The following LMLN variants were observed in gnomAD, a reference collection of about 807,000 sequenced individuals.
LMLN encodes the protein leishmanolysin like peptidase.
Under a neutral mutation model 92.3 loss-of-function variants are expected in LMLN, and 70 were observed. The observed-to-expected ratio is 0.76, with a 90% confidence interval of 0.63 to 0.92. The LOEUF (loss-of-function observed/expected upper bound fraction) is 0.92, where lower values mean the gene tolerates loss of function less well. Ranked by LOEUF, LMLN falls within the 40% of genes least tolerant of loss-of-function variation. The pLI, the probability that LMLN is intolerant of heterozygous loss-of-function variation, is 0.00. For synonymous variants in LMLN, 308 were observed against 296.2 expected (o/e 1.04, Z -0.41); for missense variants, 691 against 814.6 (o/e 0.85, Z 1.85).
chr3:197,975,142 A>G (rs1581134248), intron 3 of LMLN, 70 bp downstream of exon 3: 1 of 847,018 alleles, frequency 1.2e-6, no homozygotes, highest in East Asian at 2.5e-5. Flanking sequence ...CTACTTCAGT[A>G]AAGAAAAATA....
intron 11 of LMLN, among the ~76,000 whole-genome samples, chr3:198,013,867 T>C (rs527675320): frequency 3.5e-4 from 50 of 143,698 alleles, no homozygotes; most frequent in Non-Finnish European, 6.0e-4. Flanking sequence ...CTGACTTCTC[T>C]GTACCCTTCA....
chr3:197,977,493 T>C (rs1337107243), intron 5 of LMLN, among the ~76,000 whole-genome samples: 4 of 150,988 alleles, frequency 2.6e-5, no homozygotes, highest in African/African-American at 9.7e-5. Context: ...TGGATACATA[T>C]AAAAATGATC....
At chr3:197,976,135 A>G (rs1020861741) in intron 4 of LMLN, 24 bp downstream of exon 4, 5 of 1,466,162 alleles carry the variant, frequency 3.4e-6, no homozygotes, top group Non-Finnish European at 3.8e-6. Context: ...AACACAGATC[A>G]TTTTCTTCAG....
At chr3:197,982,593 A>G (rs761878213) in intron 6 of LMLN, among the ~76,000 whole-genome samples, 10 of 152,178 alleles carry the variant, frequency 6.6e-5, no homozygotes, top group Non-Finnish European at 8.8e-5. Context: ...AATTCATTTC[A>G]TGAATATTTG....
intron 5 of LMLN, among the ~76,000 whole-genome samples, chr3:197,976,995 T>C (rs75091983): frequency 4.3e-4 from 66 of 152,354 alleles, no homozygotes; most frequent in African/African-American, 1.6e-3. Flanking sequence ...AAAATATCTT[T>C]TAGCAAGGCA....
intron 7 of LMLN, among the ~76,000 whole-genome samples, chr3:197,984,456 T>G (rs770916289): frequency 6.6e-6 from 1 of 151,916 alleles, no homozygotes; most frequent in Non-Finnish European, 1.5e-5. Context: ...CCTTTGGAAG[T>G]ATATAGATAC....
intron 1 of LMLN, among the ~76,000 whole-genome samples, chr3:197,972,396 T>G (rs930261972): frequency 1.3e-5 from 2 of 152,204 alleles, no homozygotes; most frequent in African/African-American, 4.8e-5. Context: ...TGTTATACTT[T>G]TAAGCTCTAG....
chr3:197,980,241 T>C (rs1721517130), intron 5 of LMLN, 85 bp from the exon 6 acceptor site: 2 of 1,117,548 alleles, frequency 1.8e-6, no homozygotes, highest in African/African-American at 3.1e-5. Context: ...ACTGTGTTTA[T>C]AGTGTAGATT....
At chr3:197,981,069 C>T (rs1314074025) in intron 6 of LMLN, among the ~76,000 whole-genome samples, 1 of 151,852 alleles carries the variant, frequency 6.6e-6, no homozygotes, top group East Asian at 1.9e-4. Flanking sequence ...TGCCACTGCA[C>T]TCCAGCCTGG....
intron 1 of LMLN, among the ~76,000 whole-genome samples, chr3:197,973,408 AT>A (rs1721285082): frequency 1.3e-5 from 2 of 151,738 alleles, no homozygotes; most frequent in Non-Finnish European, 2.9e-5. Context: ...TGCCCGGCTA[AT>A]TTTTTTGTAT....
intron 11 of LMLN, among the ~76,000 whole-genome samples, chr3:198,018,466 G>A (rs1206951798): frequency 6.6e-6 from 1 of 152,190 alleles, no homozygotes; most frequent in Non-Finnish European, 1.5e-5. Flanking sequence ...CCTGTGTGAC[G>A]ACTTCAAAGC....
At chr3:198,015,253 C>T (rs1420866925) in intron 11 of LMLN, among the ~76,000 whole-genome samples, 1 of 121,474 alleles carries the variant, frequency 8.2e-6, no homozygotes, top group Non-Finnish European at 1.7e-5. Flanking sequence ...CTTCAGAGCC[C>T]CCTAACTAGT....
intron 2 of LMLN, 83 bp downstream of exon 2, chr3:197,974,557 GAATC>G: frequency 4.3e-6 from 3 of 694,460 alleles, no homozygotes; most frequent in Non-Finnish European, 6.9e-6. Context: ...GAAGTTCTAA[GAATC>G]CATAGATAAA....
At position 197,976,711 on chromosome 3, in the gene LMLN, TC is replaced by T; in HGVS notation, c.547del (p.Gln183SerfsTer63). ...CCCGTTATTGTTCCTGAGGAACATCTCCAGGTATTTCACCCTGCTCTTGGCA... is the reference window on the plus strand; with the variant it reads ...CCCGTTATTGTTCCTGAGGAACATCTCAGGTATTTCACCCTGCTCTTGGCA... On this transcript the variant is annotated frameshift_variant, in exon 5 of 16. Coordinates refer to ENST00000330198, the Ensembl canonical transcript of LMLN. LOFTEE classifies it high-confidence loss of function. 6.8e-7 allele frequency: 1 copy of T among 1,476,346 alleles called. No individual in the cohort carries two copies. The highest frequency in any genetic ancestry group is 9.3e-7 in the Non-Finnish European group (1 of 1,077,574). 91.5% of individuals were successfully genotyped at this position (1,476,346 alleles called of 1,614,324 possible).
Position 197,967,215 on chromosome 3 carries a change from C to G in LMLN, c.219+6775C>G, listed in dbSNP as rs761220218. Among the ~76,000 whole-genome samples the G allele has an allele frequency of 5.3e-5, 8 of 152,186 alleles. No homozygotes were observed. The South Asian group carries it at 1.2e-3, about 24-fold the overall frequency. On this transcript the variant is annotated intron_variant, in intron 1 of 15. Coordinates refer to ENST00000330198, the Ensembl canonical transcript of LMLN. Reference sequence around the variant, plus strand: ...CTGGTCTGTAGTTTTCTTTTCCTCTCTAATAATAACTTCAGGTTTATCGGG... The same window carrying G: ...CTGGTCTGTAGTTTTCTTTTCCTCTGTAATAATAACTTCAGGTTTATCGGG...
intron 1 of LMLN, among the ~76,000 whole-genome samples, chr3:197,963,362 A>C (rs1472104229): frequency 6.6e-6 from 1 of 151,954 alleles, no homozygotes; most frequent in Non-Finnish European, 1.5e-5. Flanking sequence ...GCGCCACTAC[A>C]CTTGGCTAAT....
chr3:198,001,074 C>T (rs1380324019), intron 11 of LMLN, among the ~76,000 whole-genome samples: 2 of 152,164 alleles, frequency 1.3e-5, no homozygotes, highest in Non-Finnish European at 2.9e-5. Flanking sequence ...CTGAGTTGAG[C>T]TAAAGTTGCT....
chr3:198,019,190 G>C lies in LMLN; in HGVS notation c.1233-63G>C. On this transcript the variant is annotated intron_variant, in intron 11 of 15. Coordinates refer to ENST00000330198, the Ensembl canonical transcript of LMLN. This position sits in a 1 kb window ranked among gnomAD's most constrained non-coding sequence, Gnocchi z 5.5. ...GGATCTGGAATTCCATTTGTTGGCT[G>C]TATAATGGACTTGCAGTATTTTCTT... 6.8e-7 allele frequency: 1 copy of C among 1,476,850 alleles called. No individual in the cohort carries two copies. The highest frequency in any genetic ancestry group is 1.3e-5 in the South Asian group (1 of 77,528). 91.5% of individuals were successfully genotyped at this position (1,476,850 alleles called of 1,614,324 possible). A position where few individuals can be genotyped will look rare whatever the true frequency, so the allele number is the denominator to read the frequency against.
intron 13 of LMLN, among the ~76,000 whole-genome samples, chr3:198,023,643 T>G (rs1722841468): frequency 1.3e-5 from 2 of 152,230 alleles, no homozygotes; most frequent in Non-Finnish European, 2.9e-5. Flanking sequence ...TATAATATTT[T>G]AAAATGGGCT....
Sources: allele counts gnomAD v4.1 joint callset (sites outside exome capture counted in the v4.1 genomes callset), GRCh38; gene constraint gnomAD v4.1.1; non-coding constraint Gnocchi (gnomAD v3.1); transcripts MANE v1.5; gene names NCBI Gene and HGNC (gene_info 2026-07-23, HGNC 2026-07-21).